TECRL: variants seen among roughly 807,000 people sequenced by gnomAD.
TECRL encodes trans-2,3-enoyl-CoA reductase like.
TECRL carries 63 observed loss-of-function variants against 52.8 expected under a neutral mutation model. That is an observed-to-expected ratio of 1.19 (90% CI 0.97 to 1.47). The LOEUF (loss-of-function observed/expected upper bound fraction) is 1.47. Among genes scored for constraint, TECRL ranks in the 40% most tolerant of loss-of-function variants. The probability of loss-of-function intolerance (pLI) is 0.00; values close to 1 mark genes in which losing one functional copy is unlikely to be tolerated. For missense variants in TECRL, 482 were observed against 429.6 expected (o/e 1.12, Z -1.08); for synonymous variants, 164 against 141.9 (o/e 1.16, Z -1.10).
intron 3 of TECRL, among the ~76,000 whole-genome samples, chr4:64,325,928 T>C (rs989061467): frequency 4.6e-5 from 7 of 152,132 alleles, no homozygotes; most frequent in African/African-American, 9.7e-5. Flanking sequence ...AAAGGGACCA[T>C]TGTCCTTGGC....
intron 1 of TECRL, among the ~76,000 whole-genome samples, chr4:64,401,048 C>T (rs1724322224): frequency 6.6e-6 from 1 of 152,156 alleles, no homozygotes; most frequent in South Asian, 2.1e-4. Context: ...TCTTGCCTCC[C>T]AAATGTGGCA....
chr4:64,352,644 G>C (rs928129951), intron 2 of TECRL, among the ~76,000 whole-genome samples: 5 of 152,028 alleles, frequency 3.3e-5, no homozygotes, highest in Non-Finnish European at 7.4e-5. Context: ...TTTAACTATA[G>C]CATTACTTCC....
intron 1 of TECRL, among the ~76,000 whole-genome samples, chr4:64,380,984 G>A (rs2089995376): frequency 6.6e-6 from 1 of 151,910 alleles, no homozygotes; most frequent in African/African-American, 2.4e-5. Flanking sequence ...TGCTTTGGGT[G>A]GGGTGGTGTG....
At chr4:64,364,700 T>A (rs1298803079) in intron 2 of TECRL, among the ~76,000 whole-genome samples, 5 of 151,548 alleles carry the variant, frequency 3.3e-5, no homozygotes, top group African/African-American at 1.2e-4. Flanking sequence ...CAGATTGAAA[T>A]TGAAAAAAAT....
chr4:64,277,459 G>T (rs570014364), downstream of TECRL, among the ~76,000 whole-genome samples: 12 of 151,758 alleles, frequency 7.9e-5, no homozygotes, highest in Admixed American at 2.0e-4. Flanking sequence ...AGATATTAGG[G>T]AGTGAGAATT....
intron 1 of TECRL, among the ~76,000 whole-genome samples, chr4:64,378,033 T>C (rs1473615267): frequency 1.3e-5 from 2 of 152,008 alleles, no homozygotes; most frequent in African/African-American, 4.8e-5. Context: ...AAAGAACTTG[T>C]CTAAAAGTAA....
intron 2 of TECRL, among the ~76,000 whole-genome samples, chr4:64,345,710 A>AGAAATACAT (rs1719907046): frequency 6.6e-6 from 1 of 151,896 alleles, no homozygotes; most frequent in Non-Finnish European, 1.5e-5. Context: ...TAATAAAAAA[A>AGAAATACAT]AAGAAGTTAA....
chr4:64,384,612 G>A (rs886393220), intron 1 of TECRL, among the ~76,000 whole-genome samples: 1 of 151,910 alleles, frequency 6.6e-6, no homozygotes, highest in African/African-American at 2.4e-5. Flanking sequence ...TGGATGGAGG[G>A]GTCAATCCTT....
intron 2 of TECRL, among the ~76,000 whole-genome samples, chr4:64,349,830 A>G (rs1560519904): frequency 6.6e-6 from 1 of 152,180 alleles, no homozygotes; most frequent in Admixed American, 6.5e-5. Context: ...TTGACTATAC[A>G]TCAAAAATAA....
chr4:64,319,616 A>C (rs974608903), intron 4 of TECRL, among the ~76,000 whole-genome samples: 13 of 151,868 alleles, frequency 8.6e-5, no homozygotes, highest in Non-Finnish European at 1.6e-4. Flanking sequence ...ATCCCAGATA[A>C]ATTTTTTAAA....
At chr4:64,396,194 G>C (rs1411324916) in intron 1 of TECRL, among the ~76,000 whole-genome samples, 1 of 152,132 alleles carries the variant, frequency 6.6e-6, no homozygotes, top group Non-Finnish European at 1.5e-5. Context: ...AATATGAATG[G>C]AATTTCTGGG....
Position 64,375,217 on chromosome 4 carries a change from G to A in TECRL, c.241C>T (p.Gln81Ter), listed in dbSNP as rs1207417073. 7.1e-7 allele frequency: 1 copy of A among 1,404,304 alleles called. No homozygotes were observed. The highest frequency in any genetic ancestry group is 9.4e-7 in the Non-Finnish European group (1 of 1,061,442). The allele number at this position is 1,404,304 out of a possible 1,614,324, so 87.0% of individuals were successfully genotyped here. Residue 81 changes from glutamine (Q) to a stop codon, truncating the protein, a stop_gained, in exon 2 of 12, where the codon CAA (glutamine) becomes TAA (stop). Transcript: ENST00000381210. LOFTEE classifies it high-confidence loss of function. The part of the protein sequence containing the change: ...KQICILDKVT[Q>*]SSTIHDVKQK... ...TTAACATCATGAATAGTAGATGATT[G>A]TGTCACCTGAAAAGGAAAAGAAAAT...
At chr4:64,331,454 G>A (rs990110768) in intron 2 of TECRL, among the ~76,000 whole-genome samples, 1 of 151,852 alleles carries the variant, frequency 6.6e-6, no homozygotes. Flanking sequence ...CCCTCAAGTA[G>A]GTAAACTTAC....
At chr4:64,394,192 C>T (rs887886105) in intron 1 of TECRL, among the ~76,000 whole-genome samples, 1 of 152,104 alleles carries the variant, frequency 6.6e-6, no homozygotes, top group African/African-American at 2.4e-5. Context: ...ACATGACCTG[C>T]TATGTATAGT....
At chr4:64,400,344 G>T (rs1724269015) in intron 1 of TECRL, among the ~76,000 whole-genome samples, 1 of 152,068 alleles carries the variant, frequency 6.6e-6, no homozygotes, top group Non-Finnish European at 1.5e-5. Flanking sequence ...ACTTGTTTTT[G>T]ATTTTACAGG....
chr4:64,281,145 TTG>T (rs1577790627), intron 10 of TECRL, 59 bp from the exon 11 acceptor site: 2 of 1,410,442 alleles, frequency 1.4e-6, no homozygotes, highest in Non-Finnish European at 2.0e-6. Flanking sequence ...ATTTGTTCAT[TTG>T]TGGCTTTAAC....
chr4:64,409,327 C>A lies in TECRL; in HGVS notation c.25G>T (p.Ala9Ser), dbSNP rs373269339. 5 of 1,613,456 alleles carry A rather than the reference C, an allele frequency of 3.1e-6. No homozygotes were observed. Among genetic ancestry groups the A allele is most frequent in the South Asian group, 2.2e-5 (2 of 91,036 alleles). Residue 9 changes from alanine to serine, a missense_variant, in exon 1 of 12, where the codon GCT becomes TCT. Coordinates refer to ENST00000381210, the MANE Select transcript of TECRL (RefSeq NM_001010874.5). ...AGTAATGCTCTCTTGCGTTCCGAAG[C>A]GAGGGACTTGTGCCTTTTGAACATT... is the stretch of plus-strand genomic sequence containing the variant. MFKRHKSL[A>S]SERKRALLSQ...
intron 1 of TECRL, 112 bp downstream of exon 1, chr4:64,409,006 A>G: frequency 1.0e-6 from 1 of 986,938 alleles, no homozygotes; most frequent in Middle Eastern, 3.3e-4. Flanking sequence ...GGTAAAAGTC[A>G]GAAATGTATT....
chr4:64,283,247 A>C (rs1222795808), intron 9 of TECRL, among the ~76,000 whole-genome samples: 3 of 152,066 alleles, frequency 2.0e-5, no homozygotes, highest in African/African-American at 4.8e-5. Context: ...TATTTCTTCT[A>C]TCCAGAAAAC....
Sources: allele counts gnomAD v4.1 joint callset (sites outside exome capture counted in the v4.1 genomes callset), GRCh38; gene constraint gnomAD v4.1.1; transcripts MANE v1.5; gene names NCBI Gene and HGNC (gene_info 2026-07-23, HGNC 2026-07-21).